Variants in HUWE1 observed in about 807,000 individuals in gnomAD.
The protein encoded by HUWE1 is HECT, UBA and WWE domain containing E3 ubiquitin protein ligase 1.
In HUWE1, 18 loss-of-function variants were observed where a neutral mutation model predicts 299.4. The observed-to-expected ratio is 0.06, with a 90% CI of 0.04 to 0.09. The LOEUF is 0.09. HUWE1 is among the 10% of genes least tolerant of loss of function. The pLI, the probability that HUWE1 is intolerant of heterozygous loss-of-function variation, is 1.00. For missense variants in HUWE1, 1,832 were observed against 3,462.3 expected (o/e 0.53, Z 11.82); for synonymous variants, 1,317 against 1,286.1 (o/e 1.02, Z -0.51).
chrX:53,674,562 C>T (rs988480395), intron 3 of HUWE1, among the ~76,000 whole-genome samples: 1 of 111,960 alleles, frequency 8.9e-6, no homozygotes, highest in Non-Finnish European at 1.9e-5. Context: ...ATTTGGGGTA[C>T]GTTTAACTAA....
At chrX:53,555,894 G>A (rs1050050681) in intron 60 of HUWE1, among the ~76,000 whole-genome samples, 4 of 110,454 alleles carry the variant, frequency 3.6e-5, no homozygotes, top group Non-Finnish European at 7.6e-5. Flanking sequence ...CACCCGCCTC[G>A]GCCTCCCAAA....
At chrX:53,577,322 A>C (rs782160063) in intron 43 of HUWE1, among the ~76,000 whole-genome samples, 5 of 110,250 alleles carry the variant, frequency 4.5e-5, no homozygotes, top group African/African-American at 1.7e-4. Flanking sequence ...TTGTTAATTC[A>C]ACAAACCTCA....
intron 30 of HUWE1, 73 bp from the exon 31 acceptor site, chrX:53,594,694 A>G (rs1378358855): frequency 2.9e-5 from 31 of 1,080,282 alleles, no homozygotes; most frequent in Non-Finnish European, 3.8e-5. Context: ...AATTCATGTA[A>G]AAGGCAAGAG....
intron 23 of HUWE1, among the ~76,000 whole-genome samples, chrX:53,611,406 C>T (rs781911866): frequency 2.7e-5 from 3 of 110,901 alleles, no homozygotes; most frequent in African/African-American, 9.8e-5. Flanking sequence ...AAGGTATATA[C>T]GTCAGATATA....
chrX:53,580,738 C>T, intron 43 of HUWE1, 93 bp downstream of exon 43: 1 of 865,549 alleles, frequency 1.2e-6, no homozygotes, highest in Non-Finnish European at 1.7e-6. Flanking sequence ...CCTAAGGAGG[C>T]TCTTCAAGTT....
chrX:53,575,331 G>A lies in HUWE1; in HGVS notation c.6031-110C>T, dbSNP rs2063047920. On this transcript the variant is annotated intron_variant, in intron 45 of 83. Coordinates refer to ENST00000262854, the MANE Select transcript of HUWE1 (RefSeq NM_031407.7). ...CTGGGAATGCCACAGATTCTCTTTGGCCAACCTTTTAACCACCTTACACCT... is the reference window on the plus strand; with the variant it reads ...CTGGGAATGCCACAGATTCTCTTTGACCAACCTTTTAACCACCTTACACCT... 2.0e-5 allele frequency: 12 copies of A among 598,148 alleles called. No homozygotes were observed. The Middle Eastern group carries it at 1.5e-3, about 75-fold the overall frequency. 49.3% of individuals were successfully genotyped at this position (598,148 alleles called of 1,213,427 possible). A position where few individuals can be genotyped will look rare whatever the true frequency, so the allele number is the denominator to read the frequency against.
In HUWE1 at chrX:53,614,631, C is replaced by A. The variant is rs782587959; in HGVS notation, c.2164G>T (p.Ala722Ser). 6 of 1,206,475 alleles carry A rather than the reference C, an allele frequency of 5.0e-6. No individual in the cohort carries two copies. Among genetic ancestry groups the A allele is most frequent in the South Asian group, 1.8e-5 (1 of 56,693 alleles). ...TCATCCTCACTAGAGGCTTCTTCTG[C>A]GGCATGATTAGACCTTGGGGGAGGA... ...TAPPPRSNHAAEEASSEDEEE... is the reference protein window; with the variant it reads ...TAPPPRSNHASEEASSEDEEE... The change falls in exon 23 of 84, where the codon GCA becomes TCA. Residue 722 changes from alanine to serine, a missense_variant. Ala to Ser is a moderately conservative substitution (Grantham distance 99). This residue lies in a region of HUWE1 where 658 missense variants were observed against 1,282.6 expected (regional missense o/e 0.51). Coordinates refer to ENST00000262854, the MANE Select transcript of HUWE1 (RefSeq NM_031407.7).
chrX:53,670,640 T>C (rs1557049022), intron 3 of HUWE1, among the ~76,000 whole-genome samples: 1 of 111,723 alleles, frequency 9.0e-6, no homozygotes, highest in South Asian at 3.7e-4. Flanking sequence ...GGATATCTTC[T>C]AGTGATGTCT....
intron 3 of HUWE1, among the ~76,000 whole-genome samples, chrX:53,675,959 G>A (rs140243243): frequency 1.4e-3 from 156 of 111,415 alleles, no homozygotes; most frequent in Non-Finnish European, 1.6e-3. Flanking sequence ...ACCCTTCAGA[G>A]GGTATAAATG....
chrX:53,661,697 T>C (rs1297924159), intron 3 of HUWE1, among the ~76,000 whole-genome samples: 1 of 112,631 alleles, frequency 8.9e-6, no homozygotes. Flanking sequence ...TAAACATTGC[T>C]TCCTAAACTT....
Position 53,574,090 on chromosome X carries a change from G to T in HUWE1, c.6098-126C>A, listed in dbSNP as rs2062974093. ...ACCTGTACAAACTGAATGCTCTCGT[G>T]ACACTGCAGTGCAAGAGCAGAGAAC... On this transcript the variant is annotated intron_variant, in intron 46 of 83. Transcript: ENST00000262854. The T allele has an allele frequency of 2.7e-5, 15 of 553,440 alleles. No individual in the cohort carries two copies. In the South Asian group the frequency reaches 3.9e-4, roughly 14 times the overall value. 45.6% of individuals were successfully genotyped at this position (553,440 alleles called of 1,213,427 possible).
At chrX:53,657,638 ACTGT>A (rs781828322) in intron 3 of HUWE1, among the ~76,000 whole-genome samples, 1 of 112,549 alleles carries the variant, frequency 8.9e-6, no homozygotes, top group African/African-American at 3.2e-5. Flanking sequence ...AAGATACAGA[ACTGT>A]CTTTTTGTCA....
intron 17 of HUWE1, among the ~76,000 whole-genome samples, chrX:53,626,973 A>G (rs2066550597): frequency 9.0e-6 from 1 of 111,323 alleles, no homozygotes; most frequent in Admixed American, 9.5e-5. Context: ...CTCTTCTCAA[A>G]ATAGGTAAAG....
Position 53,552,674 on chromosome X carries a change from T to G in HUWE1, c.8714A>C (p.Asp2905Ala). Residue 2905 changes from aspartate to alanine, a missense_variant, in exon 62 of 84, where the codon GAT (aspartate) becomes GCT (alanine). This residue lies in a region of HUWE1 where 143 missense variants were observed against 148.1 expected (regional missense o/e 0.97). Coordinates refer to ENST00000262854, the MANE Select transcript of HUWE1 (RefSeq NM_031407.7). ...PAVAEVQGRS[D>A]GSGESAQPPE... ...TGGCTGGGCAGATTCCCCTGACCCA[T>G]CACTCCTGCCTTGCACTTCCGCCAC... 1 of 1,211,920 alleles carries G rather than the reference T, an allele frequency of 8.3e-7. No individual in the cohort carries two copies. The highest frequency in any genetic ancestry group is 1.8e-5 in the South Asian group (1 of 57,011).
Position 53,565,249 on chromosome X carries a change from G to T in HUWE1, c.6708-10C>A, listed in dbSNP as rs1556944602. 1 of 1,196,553 alleles carries T rather than the reference G, an allele frequency of 8.4e-7. No individual in the cohort carries two copies. The highest frequency in any genetic ancestry group is 1.8e-5 in the South Asian group (1 of 55,682). ...GTTGGCCATGTTGGGACTGAGATAA[G>T]GGAAGATAAAGAGATGGACTGAGCA... On this transcript the variant is annotated splice_polypyrimidine_tract_variant and intron_variant, in intron 49 of 83. Transcript: ENST00000262854.
chrX:53,571,631 C>T (rs782221696), intron 47 of HUWE1, among the ~76,000 whole-genome samples: 2 of 111,054 alleles, frequency 1.8e-5, no homozygotes, highest in South Asian at 7.6e-4. Context: ...ATTTATAGGA[C>T]TTATGTCCAG....
intron 4 of HUWE1, among the ~76,000 whole-genome samples, chrX:53,650,165 A>G (rs781793924): frequency 8.9e-6 from 1 of 112,317 alleles, no homozygotes; most frequent in South Asian, 3.7e-4. Context: ...GTTCCCCACT[A>G]AATGTGTTAG....
chrX:53,656,675 G>GT (rs1206850028), intron 3 of HUWE1, among the ~76,000 whole-genome samples: 6 of 110,455 alleles, frequency 5.4e-5, no homozygotes, highest in African/African-American at 6.6e-5. Flanking sequence ...CCAGCAAGAT[G>GT]TTTTTTTGTA....
chrX:53,532,760 T>C lies in HUWE1; in HGVS notation c.*549A>G, dbSNP rs2060828722. 3 of 109,213 alleles carry C rather than the reference T, an allele frequency of 2.7e-5. No homozygotes were observed. The Admixed American group carries it at 3.0e-4, about 11-fold the overall frequency. The allele number at this position is 109,213 out of a possible 1,213,427, so 9.0% of individuals were successfully genotyped here. ...CTTAAGAGTTTTTTGTTTTTTTTTT[T>C]AAGTTTGAAAAAAACTCCATTGTGA... is the stretch of plus-strand genomic sequence containing the variant. On this transcript the variant is annotated 3_prime_UTR_variant, in exon 84 of 84. Transcript: ENST00000262854.
Sources: allele counts gnomAD v4.1 joint callset (sites outside exome capture counted in the v4.1 genomes callset), GRCh38; gene constraint gnomAD v4.1.1; regional missense constraint gnomAD v4.1.1; transcripts MANE v1.5; gene names NCBI Gene and HGNC (gene_info 2026-07-23, HGNC 2026-07-21).